Variants in TSC2 observed in about 807,000 individuals in gnomAD.
TSC2 encodes the protein tuberin.
In TSC2, 29 loss-of-function variants were observed where a neutral mutation model predicts 202.2. That is an observed-to-expected ratio of 0.14 (90% CI 0.11 to 0.20). The LOEUF is 0.20. TSC2 is among the 10% of genes least tolerant of loss of function. The probability of loss-of-function intolerance (pLI) is 1.00; values close to 1 mark genes in which losing one functional copy is unlikely to be tolerated. For synonymous variants in TSC2, 1,349 were observed against 1,044.0 expected (o/e 1.29, Z -5.63); for missense variants, 2,429 against 2,420.0 (o/e 1.00, Z -0.08).
At chr16:2,078,927 A>G (rs1682266444) in intron 26 of TSC2, 105 bp from the exon 27 acceptor site, 2 of 1,500,144 alleles carry the variant, frequency 1.3e-6, no homozygotes, top group African/African-American at 2.8e-5. Context: ...GGTCTTTCCG[A>G]GCGAGGTCCT....
chr16:2,050,744 A>G (rs1209370169), intron 3 of TSC2, among the ~76,000 whole-genome samples: 1 of 151,440 alleles, frequency 6.6e-6, no homozygotes, highest in Non-Finnish European at 1.5e-5. Flanking sequence ...GGCACGCGCC[A>G]CCACACCCGG....
chr16:2,084,494 C>T lies in TSC2; in HGVS notation c.4272C>T (p.Asp1424=), dbSNP rs371541319. ...VKARSQSGTL[D]GESAAWSASG... ...CCCGGTCACAGTCAGGGACCCTGGA[C>T]GGGGAAAGTGCTGCCTGGTCGGCCT... The change falls in exon 34 of 42, where the codon GAC becomes GAT. Residue 1424 remains aspartate, a synonymous_variant. Transcript: ENST00000219476. The T allele has an allele frequency of 1.6e-4, 259 of 1,609,072 alleles. No homozygotes were observed. The highest frequency in any genetic ancestry group is 8.3e-4 in the Middle Eastern group (5 of 6,056).
chr16:2,076,345 G>C (rs560484924), intron 24 of TSC2, 146 bp from the exon 25 acceptor site: 1 of 1,565,862 alleles, frequency 6.4e-7, no homozygotes, highest in East Asian at 2.3e-5. Context: ...TTGATGCGCG[G>C]CAGGCATTGA....
chr16:2,086,879 AG>A lies in TSC2; in HGVS notation c.4989+12del. On this transcript the variant is annotated intron_variant, in intron 38 of 41. Coordinates refer to ENST00000219476, the MANE Select transcript of TSC2 (RefSeq NM_000548.5). ...AAGCTTGGCACCATCAAGGTGAGTG[AG>A]GGGCCGTCAGTGAGGCTGGGCCCCA... is the stretch of plus-strand genomic sequence containing the variant. 6.4e-7 allele frequency: 1 copy of A among 1,574,316 alleles called. No homozygotes were observed. Among genetic ancestry groups the A allele is most frequent in the Non-Finnish European group, 8.6e-7 (1 of 1,161,216 alleles).
rs1334165353 is a variant in TSC2 at position 2,088,547 on chromosome 16, C to A, written c.5361C>A (p.Gly1787=). Residue 1787 remains glycine (G), a synonymous_variant, in exon 42 of 42, where the codon GGC becomes GGA. Coordinates refer to ENST00000219476, the MANE Select transcript of TSC2 (RefSeq NM_000548.5). ...PAQTPAEPTP[G]YEVGQRKRLI... is the part of the protein sequence containing the mutation. The stretch of plus-strand genomic sequence containing the variant: ...AGACTCCAGCCGAGCCCACACCTGG[C>A]TATGAGGTGGGCCAGCGGAAGCGCC... 1.5e-5 allele frequency: 24 copies of A among 1,611,826 alleles called. No homozygotes were observed. Among genetic ancestry groups the A allele is most frequent in the Non-Finnish European group, 2.0e-5 (24 of 1,179,920 alleles).
At position 2,084,244 on chromosome 16, in the gene TSC2, G is replaced by A. The variant is rs1451479803; in HGVS notation, c.4022G>A (p.Ser1341Asn). 1 of 1,598,266 alleles carries A rather than the reference G, an allele frequency of 6.3e-7. No homozygotes were observed. Among genetic ancestry groups the A allele is most frequent in the East Asian group, 2.3e-5 (1 of 44,018 alleles). Reference protein sequence around the residue: ...DAYSRSSSVSSQEEKSLHAEE... With the variant: ...DAYSRSSSVSNQEEKSLHAEE... ...CCTTTCTAGTCGTCCTCAGTCTCCA[G>A]CCAGGAGGAGAAGTCGCTCCACGCG... Residue 1341 changes from serine (S) to asparagine (N), a missense_variant, in exon 34 of 42, where the codon AGC becomes AAC. By Grantham distance (46) the Ser-to-Asn change is conservative. Transcript: ENST00000219476.
chr16:2,051,656 G>A (rs1300811599), intron 3 of TSC2, among the ~76,000 whole-genome samples: 2 of 152,240 alleles, frequency 1.3e-5, no homozygotes, highest in Non-Finnish European at 2.9e-5. Context: ...GTGTGGGAGA[G>A]CAGTGAGACC....
chr16:2,081,270 A>C (rs2090111870), intron 30 of TSC2: 1 of 413,064 alleles, frequency 2.4e-6, no homozygotes. Context: ...CCCAGAGCCC[A>C]GGGGCGCCTG....
At chr16:2,064,676 G>A (rs2087076614) in intron 15 of TSC2, 10 of 593,264 alleles carry the variant, frequency 1.7e-5, no homozygotes, top group Non-Finnish European at 2.4e-5. Flanking sequence ...GGGCCTCCTG[G>A]ACCGACGCTG....
intron 15 of TSC2, 59 bp from the exon 16 acceptor site, chr16:2,065,460 T>A: frequency 5.1e-5 from 49 of 958,042 alleles, no homozygotes; most frequent in Non-Finnish European, 7.8e-5. Flanking sequence ...GAAAGTGTTC[T>A]CACGGCTGCT....
chr16:2,063,048 T>A lies in TSC2; in HGVS notation c.1438T>A (p.Tyr480Asn). Residue 480 changes from tyrosine (Y) to asparagine (N), a missense_variant, in exon 14 of 42, where the codon TAT becomes AAT. Transcript: ENST00000219476. ...SFVLLINRQF[Y>N]EEELINSVVI... The stretch of plus-strand genomic sequence containing the variant: ...TGTGCTGCTCATCAACAGGCAGTTC[T>A]ATGAGGTGCGTGTCCAGGCGGCCGC... The A allele has an allele frequency of 6.4e-7, 1 of 1,551,494 alleles. No individual in the cohort carries two copies. The highest frequency in any genetic ancestry group is 8.7e-7 in the Non-Finnish European group (1 of 1,146,908).
intron 14 of TSC2, chr16:2,063,606 G>T (rs2086905105): frequency 4.3e-6 from 1 of 230,664 alleles, no homozygotes; most frequent in Admixed American, 5.2e-5. Flanking sequence ...ACTCCTCCCT[G>T]CAGCCTCGCA....
intron 26 of TSC2, 57 bp from the exon 27 acceptor site, chr16:2,078,975 G>C: frequency 2.5e-6 from 4 of 1,607,478 alleles, no homozygotes; most frequent in Non-Finnish European, 3.4e-6. Context: ...CTTGGTGATA[G>C]GTGGCTCGGC....
intron 16 of TSC2, among the ~76,000 whole-genome samples, chr16:2,069,710 G>A (rs551814360): frequency 1.3e-5 from 2 of 152,294 alleles, no homozygotes; most frequent in East Asian, 3.9e-4. Context: ...TTGATCTCCT[G>A]ACCTCATGAT....
rs572894410 is a variant in TSC2 at position 2,079,899 on chromosome 16, C to T, written c.3397+230C>T. Reference sequence around the variant, plus strand: ...CTGCTCTGGGTGCTGGTGTTTCCTGCGGGTTTTCAGCTCGGCTCAGTCCTG... The same window carrying T: ...CTGCTCTGGGTGCTGGTGTTTCCTGTGGGTTTTCAGCTCGGCTCAGTCCTG... On this transcript the variant is annotated intron_variant, in intron 29 of 41. Transcript: ENST00000219476. This position sits in a 1 kb window ranked among gnomAD's most constrained non-coding sequence, Gnocchi z 4.6. 1.1e-4 allele frequency among the ~76,000 whole-genome samples: 17 copies of T among 152,192 alleles called. No homozygotes were observed. The highest frequency in any genetic ancestry group is 8.8e-5 in the Non-Finnish European group (6 of 68,012).
rs397515163 is a variant in TSC2, at chr16:2,072,340, C to T, written c.2197C>T (p.Leu733=). 3 of 1,614,126 alleles carry T rather than the reference C, an allele frequency of 1.9e-6. No individual in the cohort carries two copies. Among genetic ancestry groups the T allele is most frequent in the Non-Finnish European group, 2.5e-6 (3 of 1,180,038 alleles). The change falls in exon 20 of 42, where the codon CTG becomes TTG. Residue 733 remains leucine, a synonymous_variant. Transcript: ENST00000219476. The part of the protein sequence containing the change: ...IFTSPCSVDQ[L]CSALCSMLSG... ...TACTTCCCCTTGCAGTGTGGACCAG[C>T]TGTGCTCTGCTCTCTGCTCCATGGT...
chr16:2,069,623 G>A (rs1185890451), intron 16 of TSC2, among the ~76,000 whole-genome samples: 2 of 152,152 alleles, frequency 1.3e-5, no homozygotes, highest in African/African-American at 2.4e-5. Flanking sequence ...GGGACTACAG[G>A]TGCCCACCAC....
rs45517118 is a variant in TSC2 at position 2,056,242 on chromosome 16, G to A, written c.646G>A (p.Glu216Lys). 2.5e-6 allele frequency: 4 copies of A among 1,613,916 alleles called. No individual in the cohort carries two copies. The African/African-American group carries it at 4.0e-5, about 16-fold the overall frequency. ...CCGGACCGCGTCCTCTGTGGACATA[G>A]AGGTCAGTGCCTCCCCTCCCCAGGG... ...CVRTASSVDIEVSLQVLDAVV... is the reference protein window; with the variant it reads ...CVRTASSVDIKVSLQVLDAVV... The change falls in exon 7 of 42, where the codon GAG (glutamate) becomes AAG (lysine). Residue 216 changes from glutamate to lysine, a missense_variant and splice_region_variant. Transcript: ENST00000219476.
In TSC2 at chr16:2,055,469, G is replaced by A. The variant is rs1415519717; in HGVS notation, c.549G>A (p.Leu183=). The part of the protein sequence containing the change: ...SSEFLLVLVN[L]VKFNSCYLDE... Reference sequence around the variant, plus strand: ...AATTCCTTCTGGTGCTGGTGAACTTGGTCAAATTCAATAGCTGTTACCTCG... The same window carrying A: ...AATTCCTTCTGGTGCTGGTGAACTTAGTCAAATTCAATAGCTGTTACCTCG... The change falls in exon 6 of 42, where the codon TTG becomes TTA. Residue 183 remains leucine (L), a synonymous_variant. Transcript: ENST00000219476. 1.2e-6 allele frequency: 2 copies of A among 1,614,192 alleles called. No individual in the cohort carries two copies. The highest frequency in any genetic ancestry group is 3.3e-4 in the Middle Eastern group (2 of 6,062).
Sources: allele counts gnomAD v4.1 joint callset (sites outside exome capture counted in the v4.1 genomes callset), GRCh38; gene constraint gnomAD v4.1.1; non-coding constraint Gnocchi (gnomAD v3.1); transcripts MANE v1.5; gene names NCBI Gene and HGNC (gene_info 2026-07-23, HGNC 2026-07-21).